SEMA5A: variants seen among roughly 807,000 people sequenced by gnomAD.
The protein encoded by SEMA5A is semaphorin-5A.
In SEMA5A, 55 loss-of-function variants were observed where a neutral mutation model predicts 135.5. The observed-to-expected ratio is 0.41, with a 90% CI of 0.33 to 0.51. SEMA5A has a LOEUF of 0.51. SEMA5A is among the 20% of genes least tolerant of loss of function. The pLI is 0.37. For synonymous variants in SEMA5A, 580 were observed against 546.5 expected, an observed-to-expected ratio of 1.06 and a Z score of -0.85; for missense variants, 1,290 against 1,419.9, an observed-to-expected ratio of 0.91 and a Z score of 1.47.
intron 9 of SEMA5A, among the ~76,000 whole-genome samples, chr5:9,200,320 T>C (rs901340689): frequency 1.3e-5 from 2 of 152,244 alleles, no homozygotes; most frequent in Admixed American, 6.5e-5. Flanking sequence ...ATACACCATC[T>C]TGCAATATTC....
intron 11 of SEMA5A, among the ~76,000 whole-genome samples, chr5:9,174,452 C>T (rs1363282535): frequency 6.6e-6 from 1 of 152,194 alleles, no homozygotes; most frequent in African/African-American, 2.4e-5. Context: ...ACCTTTTCTT[C>T]CAGTCACTCT....
chr5:9,193,003 G>A (rs796800270), intron 10 of SEMA5A, among the ~76,000 whole-genome samples: 13 of 152,176 alleles, frequency 8.5e-5, no homozygotes, highest in African/African-American at 2.9e-4. Flanking sequence ...AGGATCACTC[G>A]CTACGCCTTG....
chr5:9,228,562 A>G (rs1395398659), intron 6 of SEMA5A, among the ~76,000 whole-genome samples: 1 of 152,254 alleles, frequency 6.6e-6, no homozygotes, highest in Non-Finnish European at 1.5e-5. Context: ...ATGAGCTCTC[A>G]TGTTTTATCA....
At chr5:9,481,997 C>T (rs1179389015) in intron 1 of SEMA5A, among the ~76,000 whole-genome samples, 3 of 152,212 alleles carry the variant, frequency 2.0e-5, no homozygotes, top group Admixed American at 6.5e-5. Context: ...TAAAATCAAA[C>T]TGATGTTTCA....
intron 11 of SEMA5A, among the ~76,000 whole-genome samples, chr5:9,173,349 A>G (rs1034929133): frequency 1.3e-4 from 19 of 149,854 alleles, no homozygotes; most frequent in African/African-American, 4.7e-4. Context: ...GATATTCTCA[A>G]CTTTAGGAGC....
rs138162956 is a variant in SEMA5A, at chr5:9,486,727, A to C, written c.-174-48875T>G. 6.3e-3 allele frequency among the ~76,000 whole-genome samples: 959 copies of C among 152,314 alleles called. 11 individuals carry two copies. The highest frequency in any genetic ancestry group is 0.022 in the African/African-American group (908 of 41,568). On this transcript the variant is annotated intron_variant, in intron 1 of 22. Transcript: ENST00000382496. The stretch of plus-strand genomic sequence containing the variant: ...CTATAATAAGACAGAATGCAAGAAG[A>C]AACCTTACATATAAAGTGATGAAAT...
intron 19 of SEMA5A, among the ~76,000 whole-genome samples, chr5:9,053,567 G>A (rs975377717): frequency 5.3e-5 from 8 of 152,102 alleles, no homozygotes; most frequent in Admixed American, 5.2e-4. Flanking sequence ...ACACAGGTCT[G>A]GAGATCTTTG....
At chr5:9,092,197 A>G (rs566183391) in intron 16 of SEMA5A, among the ~76,000 whole-genome samples, 2 of 152,330 alleles carry the variant, frequency 1.3e-5, no homozygotes, top group African/African-American at 4.8e-5. Context: ...ACTAAGCTGC[A>G]CTAGATGACT....
chr5:9,253,694 A>G lies in SEMA5A; in HGVS notation c.271-15804T>C, dbSNP rs549345807. Among the ~76,000 whole-genome samples the G allele has an allele frequency of 2.3e-4, 35 of 152,326 alleles. 1 individual carries two copies. Among genetic ancestry groups the G allele is most frequent in the African/African-American group, 7.9e-4 (33 of 41,580 alleles). ...TCGTTATCCAATTTTAATAGAACCT[A>G]TAAAAATACAAATGTAACTAGTCCA... On this transcript the variant is annotated intron_variant, in intron 5 of 22. Transcript: ENST00000382496.
At chr5:9,350,612 C>G (rs1362824254) in intron 3 of SEMA5A, among the ~76,000 whole-genome samples, 1 of 152,222 alleles carries the variant, frequency 6.6e-6, no homozygotes, top group African/African-American at 2.4e-5. Context: ...TGCAAGCATT[C>G]CATGCTTTTG....
At chr5:9,385,184 G>A (rs1755835580) in intron 2 of SEMA5A, among the ~76,000 whole-genome samples, 1 of 152,036 alleles carries the variant, frequency 6.6e-6, no homozygotes, top group Non-Finnish European at 1.5e-5. Context: ...CTATAAGCTC[G>A]ATCTAAATAA....
In SEMA5A at chr5:9,051,908, C is replaced by T; in HGVS notation, c.2810G>A (p.Ser937Asn). ...GSQCSGNTTE[S>N]RPCVFDSNFI... ...ATTAGAGTCAAACACACACGGCCGGCTCTCCGTGGTGTTCCCGGAGCACTG... is the reference window on the plus strand; with the variant it reads ...ATTAGAGTCAAACACACACGGCCGGTTCTCCGTGGTGTTCCCGGAGCACTG... The change falls in exon 20 of 23, where the codon AGC (serine) becomes AAC (asparagine). Residue 937 changes from serine to asparagine, a missense_variant. By Grantham distance (46) the Ser-to-Asn change is conservative. Around this residue, in one of 3 missense-constraint regions of SEMA5A, gnomAD observed 1,029 missense variants for 1,086.6 expected, o/e 0.95. Coordinates refer to ENST00000382496, the MANE Select transcript of SEMA5A (RefSeq NM_003966.3). 1 of 1,614,184 alleles carries T rather than the reference C, an allele frequency of 6.2e-7. No individual in the cohort carries two copies. Among genetic ancestry groups the T allele is most frequent in the Non-Finnish European group, 8.5e-7 (1 of 1,180,044 alleles).
In SEMA5A at chr5:9,455,257, A is replaced by AT. The variant is rs5865834; in HGVS notation, c.-174-17406dup. 1.5e-4 allele frequency among the ~76,000 whole-genome samples: 23 copies of AT among 148,872 alleles called. No individual in the cohort carries two copies. In the East Asian group the frequency reaches 2.2e-3, roughly 14 times the overall value. On this transcript the variant is annotated intron_variant, in intron 1 of 22. Coordinates refer to ENST00000382496, the MANE Select transcript of SEMA5A (RefSeq NM_003966.3). The stretch of plus-strand genomic sequence containing the variant: ...TTATTTTATTTTATTTTATTTATTT[A>AT]TTTTTTTTTTTTTTTTGAGACAGAA...
At chr5:9,258,790 T>C (rs1749225720) in intron 5 of SEMA5A, among the ~76,000 whole-genome samples, 2 of 146,050 alleles carry the variant, frequency 1.4e-5, no homozygotes, top group African/African-American at 2.5e-5. Context: ...TATTTGTCTT[T>C]TCTTCTTTCT....
At chr5:9,262,920 AAG>A (rs1392188111) in intron 5 of SEMA5A, among the ~76,000 whole-genome samples, 1 of 148,972 alleles carries the variant, frequency 6.7e-6, no homozygotes, top group Non-Finnish European at 1.5e-5. Flanking sequence ...TAAAAAAAAA[AAG>A]AAAATATATT....
chr5:9,459,190 G>A (rs1436363368), intron 1 of SEMA5A, among the ~76,000 whole-genome samples: 10 of 152,078 alleles, frequency 6.6e-5, no homozygotes, highest in South Asian at 2.1e-4. Flanking sequence ...TTGAGGGATC[G>A]TAATTTAAAC....
At chr5:9,294,679 A>AT (rs1579295805) in intron 5 of SEMA5A, among the ~76,000 whole-genome samples, 1 of 152,282 alleles carries the variant, frequency 6.6e-6, no homozygotes, top group East Asian at 1.9e-4. Context: ...GGACTTCTAA[A>AT]CACTTCCCCC....
intron 5 of SEMA5A, among the ~76,000 whole-genome samples, chr5:9,252,324 T>C (rs892712833): frequency 2.6e-5 from 4 of 152,184 alleles, no homozygotes; most frequent in Admixed American, 2.0e-4. Context: ...ATTCCCACCC[T>C]GTAATCTGAA....
At chr5:9,460,568 C>G (rs376166644) in intron 1 of SEMA5A, among the ~76,000 whole-genome samples, 18 of 152,104 alleles carry the variant, frequency 1.2e-4, no homozygotes, top group East Asian at 5.8e-4. Context: ...GCTAGATGTT[C>G]AAGTAGCAAA....
Sources: allele counts gnomAD v4.1 joint callset (sites outside exome capture counted in the v4.1 genomes callset), GRCh38; gene constraint gnomAD v4.1.1; regional missense constraint gnomAD v4.1.1; transcripts MANE v1.5; gene names NCBI Gene and HGNC (gene_info 2026-07-23, HGNC 2026-07-21).